Variants in NEB observed in about 807,000 individuals in gnomAD.
The protein encoded by NEB is nebulin.
NEB carries 512 observed loss-of-function variants against 952.2 expected under a neutral mutation model. The observed-to-expected ratio is 0.54, with a 90% CI of 0.50 to 0.58. The LOEUF is 0.58. NEB is among the 20% of genes least tolerant of loss of function. NEB has a pLI of 0.00. For synonymous variants in NEB, 2,900 were observed against 3,149.8 expected (o/e 0.92, Z 2.66); for missense variants, 8,428 against 9,231.1 (o/e 0.91, Z 3.56).
rs747277690 is a variant in NEB at position 151,667,894 on chromosome 2, A to G, written c.4629T>C (p.Asp1543=). ...AGCCCTTGGCAATGGTTTTCTTCCA[A>G]TCTGCTTTATAATGAGCCTTCAAAA... ...LNMSDAHYKA[D]WKKTIAKGYD... The change falls in exon 40 of 182, where the codon GAT becomes GAC. Residue 1543 remains aspartate (D), a synonymous_variant. Coordinates refer to ENST00000397345, the MANE Select transcript of NEB (RefSeq NM_001164508.2). 3.1e-6 allele frequency: 5 copies of G among 1,611,896 alleles called. No homozygotes were observed. In the South Asian group the frequency reaches 3.3e-5, roughly 11 times the overall value.
At position 151,491,815 on chromosome 2, in the gene NEB, G is replaced by A. The variant is rs2056829699; in HGVS notation, c.25058-40C>T. 3 of 1,469,120 alleles carry A rather than the reference G, an allele frequency of 2.0e-6. No individual in the cohort carries two copies. In the South Asian group the frequency reaches 3.7e-5, roughly 18 times the overall value. 91.0% of individuals were successfully genotyped at this position (1,469,120 alleles called of 1,614,324 possible). On this transcript the variant is annotated intron_variant, in intron 178 of 181. Coordinates refer to ENST00000397345, the MANE Select transcript of NEB (RefSeq NM_001164508.2). ...AGTGATCAGAACAAGTGTTCTTGGAGTTTTCCAATAACTTGAAAACCAAGG... is the reference window on the plus strand; with the variant it reads ...AGTGATCAGAACAAGTGTTCTTGGAATTTTCCAATAACTTGAAAACCAAGG...
chr2:151,490,565 A>G (rs758544183), intron 179 of NEB, 47 bp from the exon 180 acceptor site: 9 of 1,582,882 alleles, frequency 5.7e-6, no homozygotes, highest in Non-Finnish European at 1.7e-6. Flanking sequence ...TGAAATTTCT[A>G]TGGTAGTAAT....
chr2:151,669,405 A>G (rs1291986671), intron 38 of NEB, among the ~76,000 whole-genome samples: 1 of 152,226 alleles, frequency 6.6e-6, no homozygotes, highest in African/African-American at 2.4e-5. Context: ...TTACTGTCCA[A>G]TAGAAAGGAC....
rs2099518972 is a variant in NEB at position 151,688,307 on chromosome 2, G to A, written c.2400C>T (p.Ala800=). The part of the protein sequence containing the change: ...APQFIQHRVN[A]YNLSDNVYKQ... ...TGGTACTTACATCACTCAGATTATA[G>A]GCATTGACTCTGTGTTGGATAAACT... The change falls in exon 25 of 182, where the codon GCC becomes GCT. Residue 800 remains alanine, a synonymous_variant. Transcript: ENST00000397345. 6.2e-7 allele frequency: 1 copy of A among 1,611,554 alleles called. No individual in the cohort carries two copies. Among genetic ancestry groups the A allele is most frequent in the Non-Finnish European group, 8.5e-7 (1 of 1,177,744 alleles).
rs771740511 is a variant in NEB at position 151,678,142 on chromosome 2, C to G, written c.3301G>C (p.Gly1101Arg). ...DYEKAKGKMVGFQSLQDDPKL... is the reference protein window; with the variant it reads ...DYEKAKGKMVRFQSLQDDPKL... ...GGGTCATCTTGAAGACTTTGGAAGC[C>G]AACCATTTTCCCTTTAGCCTTTTCA... Residue 1101 changes from glycine to arginine, a missense_variant, in exon 33 of 182, where the codon GGC (glycine) becomes CGC (arginine). By Grantham distance (125) the Gly-to-Arg change is moderately radical (BLOSUM62 -2). Transcript: ENST00000397345. 1 of 1,612,780 alleles carries G rather than the reference C, an allele frequency of 6.2e-7. No individual in the cohort carries two copies. The highest frequency in any genetic ancestry group is 8.5e-7 in the Non-Finnish European group (1 of 1,179,264).
intron 10 of NEB, among the ~76,000 whole-genome samples, chr2:151,713,413 C>A (rs2099750617): frequency 6.6e-6 from 1 of 152,154 alleles, no homozygotes; most frequent in African/African-American, 2.4e-5. Context: ...TCAATCAAAT[C>A]TCTTCTGGTG....
At chr2:151,647,995 T>G (rs1351791086) in intron 54 of NEB, among the ~76,000 whole-genome samples, 1 of 152,174 alleles carries the variant, frequency 6.6e-6, no homozygotes, top group Non-Finnish European at 1.5e-5. Flanking sequence ...TATTTAGGCA[T>G]CATGAAGCAA....
At chr2:151,701,608 C>T (rs1464454210) in intron 13 of NEB, among the ~76,000 whole-genome samples, 6 of 151,566 alleles carry the variant, frequency 4.0e-5, no homozygotes, top group South Asian at 2.1e-4. Context: ...TTGTATGTGT[C>T]GAGGAATTTA....
At chr2:151,552,533 C>T (rs771509041) in intron 128 of NEB, 139 bp downstream of exon 128, 11 of 604,626 alleles carry the variant, frequency 1.8e-5, no homozygotes, top group East Asian at 8.6e-5. Flanking sequence ...GCAGCATCTT[C>T]AGTGCTTTCA....
chr2:151,726,545 C>T (rs185691600), intron 5 of NEB, among the ~76,000 whole-genome samples: 32 of 152,238 alleles, frequency 2.1e-4, no homozygotes, highest in Non-Finnish European at 3.7e-4. Flanking sequence ...AATCAAGCCA[C>T]CCAGTGAGAC....
At chr2:151,516,675 G>T (rs2077882694) in intron 156 of NEB, 112 bp from the exon 157 acceptor site, 2 of 743,676 alleles carry the variant, frequency 2.7e-6, no homozygotes, top group Admixed American at 2.1e-5. Context: ...GCATCTCATT[G>T]CCACTCAAAA....
At chr2:151,546,241 A>C (rs1439986231) in intron 134 of NEB, 104 bp downstream of exon 134, 2 of 908,720 alleles carry the variant, frequency 2.2e-6, no homozygotes, top group Non-Finnish European at 3.4e-6. Context: ...TTCCCCTTAA[A>C]AGTAGCTGCA....
chr2:151,633,630 T>C, intron 65 of NEB, 24 bp downstream of exon 65: 1 of 1,592,298 alleles, frequency 6.3e-7, no homozygotes, highest in Non-Finnish European at 8.6e-7. Context: ...TATGCACAGC[T>C]CCATTTATAG....
At position 151,497,760 on chromosome 2, in the gene NEB, C is replaced by G. The variant is rs1431207630; in HGVS notation, c.24208-42G>C. 3.9e-6 allele frequency: 6 copies of G among 1,551,220 alleles called. No individual in the cohort carries two copies. In the East Asian group the frequency reaches 1.2e-4, roughly 31 times the overall value. ...CATCCAGAAAAACAACCATGAGTAA[C>G]ATTTCATTTCTTGGGACTTTTTAAG... On this transcript the variant is annotated intron_variant, in intron 170 of 181. Transcript: ENST00000397345.
At chr2:151,625,025 G>A (rs1459073499) in intron 71 of NEB, among the ~76,000 whole-genome samples, 2 of 152,082 alleles carry the variant, frequency 1.3e-5, no homozygotes, top group Admixed American at 6.5e-5. Flanking sequence ...AATTTTCATG[G>A]TGACTTGAGC....
chr2:151,676,058 A>G (rs1443649982), intron 34 of NEB, among the ~76,000 whole-genome samples: 2 of 152,214 alleles, frequency 1.3e-5, no homozygotes, highest in Non-Finnish European at 2.9e-5. Flanking sequence ...CAGAATCACA[A>G]GTAGATTTTC....
chr2:151,514,253 G>T, intron 159 of NEB, 65 bp downstream of exon 159: 3 of 1,149,148 alleles, frequency 2.6e-6, no homozygotes, highest in South Asian at 1.3e-5. Flanking sequence ...TTTTTCTGGT[G>T]TAATTTGGCT....
chr2:151,535,677 T>A lies in NEB; in HGVS notation c.21312+14A>T, dbSNP rs1480189057. 1.3e-6 allele frequency: 2 copies of A among 1,543,904 alleles called. No homozygotes were observed. Among genetic ancestry groups the A allele is most frequent in the African/African-American group, 1.4e-5 (1 of 73,666 alleles). On this transcript the variant is annotated intron_variant, in intron 142 of 181. Transcript: ENST00000397345. ...ATTGAATAGGCTTAATTGGAGCAGT[T>A]TATTCATACATACCTCATTCATCAA... is the stretch of plus-strand genomic sequence containing the variant.
At chr2:151,661,327 T>G (rs1021234023) in intron 46 of NEB, among the ~76,000 whole-genome samples, 1 of 152,146 alleles carries the variant, frequency 6.6e-6, no homozygotes, top group East Asian at 1.9e-4. Flanking sequence ...TTCAAGGAGG[T>G]TGAGCTCCAC....
Sources: allele counts gnomAD v4.1 joint callset (sites outside exome capture counted in the v4.1 genomes callset), GRCh38; gene constraint gnomAD v4.1.1; transcripts MANE v1.5; gene names NCBI Gene and HGNC (gene_info 2026-07-23, HGNC 2026-07-21).